EGFR: variants seen among roughly 807,000 people sequenced by gnomAD.
EGFR encodes the protein epidermal growth factor receptor, also known as avian erythroblastic leukemia viral (v-erb-b) oncogene homolog.
EGFR carries 58 observed loss-of-function variants against 143.0 expected under a neutral mutation model. The observed-to-expected ratio is 0.41, with a 90% CI of 0.33 to 0.50. The LOEUF is 0.50. Ranked by LOEUF, EGFR falls within the 20% of genes least tolerant of loss-of-function variation. The probability of loss-of-function intolerance (pLI) is 0.39; values close to 1 mark genes in which losing one functional copy is unlikely to be tolerated. For missense variants in EGFR, 1,307 were observed against 1,579.0 expected (o/e 0.83, Z 2.92); for synonymous variants, 613 against 594.4 (o/e 1.03, Z -0.45).
At chr7:55,126,418 G>A (rs574361512) in intron 1 of EGFR, among the ~76,000 whole-genome samples, 6 of 152,226 alleles carry the variant, frequency 3.9e-5, no homozygotes, top group Non-Finnish European at 8.8e-5. Flanking sequence ...AACAATCCAC[G>A]AGGGAGGCAT....
chr7:55,161,639 G>A lies in EGFR; in HGVS notation c.1631+8G>A. 6.2e-7 allele frequency: 1 copy of A among 1,614,264 alleles called. No individual in the cohort carries two copies. The highest frequency in any genetic ancestry group is 1.3e-5 in the African/African-American group (1 of 75,076). On this transcript the variant is annotated splice_region_variant and intron_variant, in intron 13 of 27. Coordinates refer to ENST00000275493, the MANE Select transcript of EGFR (RefSeq NM_005228.5). ...GTGCAACCTTCTGGAGGGGTAGGAG[G>A]TTATTTCTTTAATCCCCTTGCGTTG...
chr7:55,046,202 G>A (rs1788167930), intron 1 of EGFR, among the ~76,000 whole-genome samples: 1 of 152,160 alleles, frequency 6.6e-6, no homozygotes, highest in African/African-American at 2.4e-5. Context: ...GAACCTTAAA[G>A]TATTCCTAGT....
intron 1 of EGFR, among the ~76,000 whole-genome samples, chr7:55,103,590 G>A (rs905937533): frequency 6.6e-6 from 1 of 152,226 alleles, no homozygotes; most frequent in African/African-American, 2.4e-5. Context: ...CTACAGAAGG[G>A]TAATGCTTAG....
At chr7:55,081,399 C>G (rs1790455110) in intron 1 of EGFR, among the ~76,000 whole-genome samples, 1 of 152,142 alleles carries the variant, frequency 6.6e-6, no homozygotes, top group Non-Finnish European at 1.5e-5. Flanking sequence ...ACGAAGGAGT[C>G]TTGTTTAGAC....
At chr7:55,048,013 T>G (rs1583906901) in intron 1 of EGFR, among the ~76,000 whole-genome samples, 1 of 152,242 alleles carries the variant, frequency 6.6e-6, no homozygotes, top group East Asian at 1.9e-4. Flanking sequence ...GAAATAATGG[T>G]TATCTCACCA....
At chr7:55,160,009 C>A in intron 11 of EGFR, 130 bp from the exon 12 acceptor site, 1 of 968,746 alleles carries the variant, frequency 1.0e-6, no homozygotes, top group Non-Finnish European at 1.6e-6. Flanking sequence ...TGTGTGCCTC[C>A]CACAGCATGA....
chr7:55,192,572 A>C (rs946643203), intron 21 of EGFR, among the ~76,000 whole-genome samples, 194 bp from the exon 22 acceptor site: 2 of 152,208 alleles, frequency 1.3e-5, no homozygotes, highest in Admixed American at 1.3e-4. Context: ...TCAGAAACCT[A>C]CCAGAGCAGC....
rs528112656 is a variant in EGFR, at chr7:55,028,500, T to C, written c.88+9135T>C. 8.5e-5 allele frequency among the ~76,000 whole-genome samples: 13 copies of C among 152,348 alleles called. No individual in the cohort carries two copies. In the South Asian group the frequency reaches 2.7e-3, roughly 32 times the overall value. Reference sequence around the variant, plus strand: ...AGAAACTTTTTCAAAAACATTTTTTTAATTTCAAAAACCTGGTTTTGTTTA... The same window carrying C: ...AGAAACTTTTTCAAAAACATTTTTTCAATTTCAAAAACCTGGTTTTGTTTA... On this transcript the variant is annotated intron_variant, in intron 1 of 27. Transcript: ENST00000275493.
At chr7:55,188,452 G>A (rs1043744778) in intron 20 of EGFR, among the ~76,000 whole-genome samples, 5 of 152,208 alleles carry the variant, frequency 3.3e-5, no homozygotes, top group African/African-American at 9.6e-5. Context: ...TTTTTTGTAA[G>A]TGGAAGTTCC....
At chr7:55,060,885 G>A (rs1789127118) in intron 1 of EGFR, among the ~76,000 whole-genome samples, 2 of 152,166 alleles carry the variant, frequency 1.3e-5, no homozygotes, top group Admixed American at 1.3e-4. Flanking sequence ...ACGTGCTCTG[G>A]TTAACACTGA....
intron 1 of EGFR, among the ~76,000 whole-genome samples, chr7:55,125,393 C>A (rs576371593): frequency 1.4e-5 from 2 of 147,444 alleles, no homozygotes; most frequent in South Asian, 4.5e-4. Flanking sequence ...GCTATTATGG[C>A]TAACTCCATT....
rs1411144998 is a variant in EGFR at position 55,207,412 on chromosome 7, A to ATAG, written c.*1797_*1799dup. The ATAG allele has an allele frequency of 3.4e-5, 7 of 203,622 alleles. 1 individual carries two copies. Among genetic ancestry groups the ATAG allele is most frequent in the Admixed American group, 3.0e-4 (5 of 16,754 alleles). 12.6% of individuals were successfully genotyped at this position (203,622 alleles called of 1,614,324 possible). On this transcript the variant is annotated 3_prime_UTR_variant, in exon 28 of 28. Transcript: ENST00000275493. ...TGAAAGATACAAAGATAAATAAAAC[A>ATAG]TAGTCCCTGATTCTAAGAAATTCAC...
Position 55,143,443 on chromosome 7 carries a change from G to A in EGFR, c.379G>A (p.Ala127Thr), listed in dbSNP as rs377444977. Residue 127 changes from alanine (A) to threonine (T), a missense_variant, in exon 3 of 28, where the codon GCA becomes ACA. By Grantham distance (58) the Ala-to-Thr change is moderately conservative (BLOSUM62 0). Coordinates refer to ENST00000275493, the MANE Select transcript of EGFR (RefSeq NM_005228.5). ...CTTAGCAGTCTTATCTAACTATGAT[G>A]CAAATAAAACCGGACTGAAGGAGCT... ...YALAVLSNYD[A>T]NKTGLKELPM... is the part of the protein sequence containing the mutation. 64 of 1,614,082 alleles carry A rather than the reference G, an allele frequency of 4.0e-5. No individual in the cohort carries two copies. The highest frequency in any genetic ancestry group is 5.1e-5 in the Non-Finnish European group (60 of 1,180,038).
chr7:55,163,951 C>T (rs978930872), intron 14 of EGFR, 128 bp downstream of exon 14: 20 of 1,025,902 alleles, frequency 1.9e-5, no homozygotes, highest in South Asian at 6.5e-5. Context: ...CCAGAGGAGA[C>T]GGCAGGCGCT....
At chr7:55,037,990 C>T (rs878922262) in intron 1 of EGFR, among the ~76,000 whole-genome samples, 1 of 152,140 alleles carries the variant, frequency 6.6e-6, no homozygotes, top group Non-Finnish European at 1.5e-5. Context: ...CCCGGTGTTC[C>T]GGCGCCCAGT....
Position 55,019,326 on chromosome 7 carries a change from G to A in EGFR, c.49G>A (p.Ala17Thr). ...GGCAGCGCTCCTGGCGCTGCTGGCTGCGCTCTGCCCGGCGAGTCGGGCTCT... is the reference window on the plus strand; with the variant it reads ...GGCAGCGCTCCTGGCGCTGCTGGCTACGCTCTGCCCGGCGAGTCGGGCTCT... ...AGAALLALLAALCPASRALEE... is the reference protein window; with the variant it reads ...AGAALLALLATLCPASRALEE... Residue 17 changes from alanine (A) to threonine (T), a missense_variant, in exon 1 of 28, where the codon GCG becomes ACG. Ala to Thr is a moderately conservative substitution (Grantham distance 58). Coordinates refer to ENST00000275493, the MANE Select transcript of EGFR (RefSeq NM_005228.5). The A allele has an allele frequency of 1.3e-6, 2 of 1,522,982 alleles. No homozygotes were observed. The highest frequency in any genetic ancestry group is 1.8e-6 in the Non-Finnish European group (2 of 1,131,458). The allele number at this position is 1,522,982 out of a possible 1,614,324, so 94.3% of individuals were successfully genotyped here.
intron 1 of EGFR, among the ~76,000 whole-genome samples, chr7:55,026,046 C>G (rs562122305): frequency 1.3e-5 from 2 of 152,172 alleles, no homozygotes; most frequent in Admixed American, 1.3e-4. Context: ...TTCTAACCAG[C>G]TGAGGGGCTT....
intron 19 of EGFR, among the ~76,000 whole-genome samples, chr7:55,175,294 A>G (rs1786547802): frequency 6.6e-6 from 1 of 152,208 alleles, no homozygotes; most frequent in South Asian, 2.1e-4. Flanking sequence ...AAAGGTGCCT[A>G]GAATATGATG....
intron 8 of EGFR, 47 bp downstream of exon 8, chr7:55,155,993 A>T (rs768398117): frequency 2.8e-6 from 4 of 1,425,186 alleles, no homozygotes; most frequent in Non-Finnish European, 3.9e-6. Flanking sequence ...TCGGCTGCTG[A>T]GGCTGGGCTC....
Sources: gnomAD v4.1 joint callset for allele counts (sites outside exome capture counted in the v4.1 genomes callset) on GRCh38, gnomAD v4.1.1 for gene constraint, MANE v1.5 for transcripts, NCBI Gene and HGNC (gene_info 2026-07-23, HGNC 2026-07-21) for gene names.